SASH1: variants seen among roughly 807,000 people sequenced by gnomAD.
The protein encoded by SASH1 is SAM and SH3 domain-containing protein 1.
A neutral mutation model predicts 125.2 loss-of-function variants in SASH1; 44 were observed. That is an observed-to-expected ratio of 0.35 (90% CI 0.28 to 0.45). The LOEUF (loss-of-function observed/expected upper bound fraction) is 0.45. Among genes scored for constraint, SASH1 ranks in the 20% least tolerant of loss-of-function variants. SASH1 has a pLI of 1.00. For synonymous variants in SASH1, 639 were observed against 649.1 expected (o/e 0.98, Z 0.24); for missense variants, 1,426 against 1,614.5 (o/e 0.88, Z 2.00).
chr6:148,233,327 T>A, the SASH1 span, among the ~76,000 whole-genome samples: 1 of 152,058 alleles, frequency 6.6e-6, no homozygotes, highest in Non-Finnish European at 1.5e-5. Context: ...AGCACCATGC[T>A]GTAGGGCTTT....
intron 12 of SASH1, among the ~76,000 whole-genome samples, chr6:148,531,283 A>G (rs1015483195): frequency 1.3e-5 from 2 of 151,672 alleles, no homozygotes; most frequent in African/African-American, 4.9e-5. Flanking sequence ...TTTCTTGGAG[A>G]TTCCAAGAAT....
At chr6:148,307,060 CTTTCT>C in intron 1 of SASH1, among the ~76,000 whole-genome samples, 1 of 145,886 alleles carries the variant, frequency 6.9e-6, no homozygotes, top group Non-Finnish European at 1.5e-5. Flanking sequence ...TTCTTTCTTT[CTTTCT>C]TTCTTTCTTT....
the SASH1 span, among the ~76,000 whole-genome samples, chr6:148,220,678 G>A: frequency 1.3e-5 from 2 of 152,202 alleles, no homozygotes; most frequent in Non-Finnish European, 2.9e-5. Flanking sequence ...ACTTTGGGAG[G>A]CTGAGGCAGG....
intron 8 of SASH1, chr6:148,512,584 C>T: frequency 1.0e-6 from 1 of 985,022 alleles, no homozygotes; most frequent in Non-Finnish European, 1.2e-6. Context: ...GAAACTCAAA[C>T]CAGACAAAAC....
chr6:148,270,006 T>C (rs1186162152), upstream of SASH1, among the ~76,000 whole-genome samples: 1 of 148,562 alleles, frequency 6.7e-6, no homozygotes, highest in Non-Finnish European at 1.5e-5. Flanking sequence ...CCGTACACCA[T>C]AGACCGATAT....
chr6:148,416,927 T>C (rs887204408), intron 2 of SASH1, among the ~76,000 whole-genome samples: 1 of 152,014 alleles, frequency 6.6e-6, no homozygotes, highest in Non-Finnish European at 1.5e-5. Context: ...AGTCCTCCAG[T>C]AGGTAGTTGA....
At chr6:148,411,163 C>T (rs12055815) in intron 2 of SASH1, among the ~76,000 whole-genome samples, 2 of 45,000 alleles carry the variant, frequency 4.4e-5, no homozygotes, top group South Asian at 2.4e-3. Context: ...GAAACTCCAT[C>T]TCCAAAAAAA....
At chr6:148,405,088 TA>T (rs1784324545) in intron 2 of SASH1, among the ~76,000 whole-genome samples, 1 of 151,984 alleles carries the variant, frequency 6.6e-6, no homozygotes, top group Admixed American at 6.6e-5. Flanking sequence ...AAACCGGGGA[TA>T]CTCCTGCCTT....
intron 8 of SASH1, among the ~76,000 whole-genome samples, chr6:148,491,723 C>T (rs1303896258): frequency 6.6e-6 from 1 of 152,146 alleles, no homozygotes; most frequent in African/African-American, 2.4e-5. Context: ...CTGAATCAAG[C>T]ACCAGATTTC....
At chr6:148,360,638 C>CG (rs1231850021) in intron 1 of SASH1, among the ~76,000 whole-genome samples, 1 of 68,010 alleles carries the variant, frequency 1.5e-5, no homozygotes, top group East Asian at 3.5e-4. Context: ...CGTGAGCCAC[C>CG]CCCCCGCCAG....
At chr6:148,408,753 T>G (rs1784479478) in intron 2 of SASH1, among the ~76,000 whole-genome samples, 1 of 152,250 alleles carries the variant, frequency 6.6e-6, no homozygotes, top group African/African-American at 2.4e-5. Flanking sequence ...AATCCAGTGT[T>G]GTGAGCCTTT....
chr6:148,283,481 G>A (rs911348906), intron 1 of SASH1: 15 of 152,004 alleles, frequency 9.9e-5, no homozygotes, highest in African/African-American at 2.7e-4. Context: ...GAAAGAACAA[G>A]AGTATTCCGG....
At chr6:148,540,422 A>G (rs377347562) in intron 16 of SASH1, 21 bp from the exon 17 acceptor site, 1 of 1,594,290 alleles carries the variant, frequency 6.3e-7, no homozygotes, top group African/African-American at 1.3e-5. Flanking sequence ...TGTTGATTTC[A>G]TGCCGTGTTC....
chr6:148,271,065 A>T (rs1360126757), upstream of SASH1, among the ~76,000 whole-genome samples: 3 of 151,990 alleles, frequency 2.0e-5, no homozygotes, highest in African/African-American at 7.3e-5. Flanking sequence ...GCCCGCCACC[A>T]TGTCCGGCTA....
At chr6:148,343,811 G>C (rs1441069395) in intron 1 of SASH1, among the ~76,000 whole-genome samples, 1 of 152,194 alleles carries the variant, frequency 6.6e-6, no homozygotes, top group Non-Finnish European at 1.5e-5. Context: ...CCCTGGATTT[G>C]GCATAGTCTC....
At chr6:148,493,427 T>G (rs1023076578) in intron 8 of SASH1, among the ~76,000 whole-genome samples, 2 of 152,200 alleles carry the variant, frequency 1.3e-5, no homozygotes, top group Non-Finnish European at 2.9e-5. Context: ...TATAGGCGCT[T>G]TGAATATTTT....
At chr6:148,527,986 T>G in intron 12 of SASH1, among the ~76,000 whole-genome samples, 6 of 84,854 alleles carry the variant, frequency 7.1e-5, no homozygotes, top group African/African-American at 1.2e-4. Flanking sequence ...GCTTTTTTTT[T>G]TTGGGGGGGG....
intron 2 of SASH1, among the ~76,000 whole-genome samples, chr6:148,397,313 T>G (rs575206020): frequency 6.6e-6 from 1 of 152,166 alleles, no homozygotes; most frequent in African/African-American, 2.4e-5. Flanking sequence ...AAACCCCATC[T>G]CTACTAAAAA....
chr6:148,302,269 G>C (rs1197832402), intron 1 of SASH1, among the ~76,000 whole-genome samples: 2 of 121,288 alleles, frequency 1.6e-5, no homozygotes, highest in East Asian at 2.8e-4. Context: ...CCGAGATCCC[G>C]CCACTGCACT....
Sources: gnomAD v4.1 joint callset for allele counts (sites outside exome capture counted in the v4.1 genomes callset) on GRCh38, gnomAD v4.1.1 for gene constraint, MANE v1.5 for transcripts, NCBI Gene and HGNC (gene_info 2026-07-23, HGNC 2026-07-21) for gene names.